BMPR1B: variants seen among roughly 807,000 people sequenced by gnomAD.
The protein encoded by BMPR1B is bone morphogenetic protein receptor type-1B.
In BMPR1B, 12 loss-of-function variants were observed where a neutral mutation model predicts 59.1. The observed-to-expected ratio is 0.20, with a 90% confidence interval of 0.13 to 0.33. The LOEUF (loss-of-function observed/expected upper bound fraction) is 0.33, where lower values mean the gene tolerates loss of function less well. Ranked by LOEUF, BMPR1B falls within the 10% of genes least tolerant of loss-of-function variation. BMPR1B has a pLI of 1.00. For synonymous variants in BMPR1B, 237 were observed against 207.3 expected, an observed-to-expected ratio of 1.14 and a Z score of -1.23; for missense variants, 550 against 610.9, an observed-to-expected ratio of 0.90 and a Z score of 1.05.
chr4:94,808,295 G>T (rs187473142), intron 1 of BMPR1B, among the ~76,000 whole-genome samples: 53 of 152,146 alleles, frequency 3.5e-4, no homozygotes, highest in African/African-American at 1.2e-3. Flanking sequence ...GAAAACAACT[G>T]GTAGTTTTTA....
chr4:94,907,926 T>C (rs1181127026), intron 2 of BMPR1B, among the ~76,000 whole-genome samples: 1 of 151,376 alleles, frequency 6.6e-6, no homozygotes, highest in Non-Finnish European at 1.5e-5. Flanking sequence ...GGCATGCACC[T>C]GTATTCGCAG....
chr4:94,991,723 A>G (rs1241097266), intron 2 of BMPR1B, among the ~76,000 whole-genome samples: 1 of 152,184 alleles, frequency 6.6e-6, no homozygotes, highest in Non-Finnish European at 1.5e-5. Flanking sequence ...AAGTGGGGCT[A>G]GGCTATATGG....
chr4:94,923,457 G>A (rs1728777284), intron 2 of BMPR1B, among the ~76,000 whole-genome samples: 1 of 152,118 alleles, frequency 6.6e-6, no homozygotes, highest in Non-Finnish European at 1.5e-5. Flanking sequence ...TGTTGGTGAG[G>A]TGTATCTGGT....
At chr4:94,784,055 T>C (rs1192154783) in intron 1 of BMPR1B, among the ~76,000 whole-genome samples, 1 of 152,234 alleles carries the variant, frequency 6.6e-6, no homozygotes, top group Non-Finnish European at 1.5e-5. Context: ...CTTCCTTGAA[T>C]TAATGTTTCT....
At chr4:94,862,128 G>C (rs1026701365) in intron 1 of BMPR1B, among the ~76,000 whole-genome samples, 1 of 151,470 alleles carries the variant, frequency 6.6e-6, no homozygotes, top group Admixed American at 6.6e-5. Context: ...CAATGACTTG[G>C]GAGATTCCAA....
chr4:95,063,385 T>A (rs1165564580), intron 3 of BMPR1B, among the ~76,000 whole-genome samples: 1 of 152,188 alleles, frequency 6.6e-6, no homozygotes, highest in African/African-American at 2.4e-5. Flanking sequence ...ACAGTTTTTT[T>A]AGCTATAGTG....
At chr4:95,149,230 G>A (rs1383486623) in intron 11 of BMPR1B, among the ~76,000 whole-genome samples, 1 of 152,024 alleles carries the variant, frequency 6.6e-6, no homozygotes, top group Non-Finnish European at 1.5e-5. Context: ...GCAGTTGCTC[G>A]ATGAAATCAA....
intron 1 of BMPR1B, among the ~76,000 whole-genome samples, chr4:94,806,051 T>C (rs985725613): frequency 4.6e-5 from 7 of 152,160 alleles, no homozygotes; most frequent in Non-Finnish European, 8.8e-5. Flanking sequence ...TGGAATCCAG[T>C]GCAATATCAA....
chr4:95,116,232 A>G (rs1732022339), intron 6 of BMPR1B, among the ~76,000 whole-genome samples: 1 of 152,068 alleles, frequency 6.6e-6, no homozygotes, highest in Admixed American at 6.6e-5. Context: ...AACACCTTTT[A>G]GTCAAATCGT....
chr4:94,987,917 G>A (rs960788375), intron 2 of BMPR1B, among the ~76,000 whole-genome samples: 4 of 152,120 alleles, frequency 2.6e-5, no homozygotes, highest in Admixed American at 6.6e-5. Flanking sequence ...TGTTTAAAAT[G>A]TCAGATAATG....
At chr4:95,133,625 G>A (rs1379289838) in intron 10 of BMPR1B, among the ~76,000 whole-genome samples, 1 of 151,994 alleles carries the variant, frequency 6.6e-6, no homozygotes, top group Non-Finnish European at 1.5e-5. Context: ...AGACTGGAGT[G>A]CAGTGGCACC....
At chr4:94,886,938 A>G (rs1727190639) in intron 2 of BMPR1B, among the ~76,000 whole-genome samples, 1 of 152,172 alleles carries the variant, frequency 6.6e-6, no homozygotes, top group African/African-American at 2.4e-5. Flanking sequence ...GATGGGATGA[A>G]GATTGTGGGA....
chr4:94,857,862 G>T (rs1160953985), intron 1 of BMPR1B, among the ~76,000 whole-genome samples: 1 of 152,204 alleles, frequency 6.6e-6, no homozygotes, highest in Non-Finnish European at 1.5e-5. Context: ...AGAAAACAAT[G>T]TGTTAATGAC....
intron 3 of BMPR1B, among the ~76,000 whole-genome samples, chr4:95,030,372 G>T (rs894744410): frequency 2.2e-4 from 33 of 152,108 alleles, no homozygotes; most frequent in Admixed American, 1.6e-3. Context: ...ATTAAATAGG[G>T]AATCCTTTCC....
intron 2 of BMPR1B, among the ~76,000 whole-genome samples, chr4:94,929,933 G>A (rs972899037): frequency 6.6e-6 from 1 of 151,858 alleles, no homozygotes; most frequent in Admixed American, 6.6e-5. Context: ...TGTTCTCCTT[G>A]TGGCCAAAAG....
intron 1 of BMPR1B, among the ~76,000 whole-genome samples, chr4:94,862,802 G>T (rs994225927): frequency 3.3e-5 from 5 of 152,014 alleles, no homozygotes; most frequent in East Asian, 3.9e-4. Context: ...AAAATTAGCC[G>T]GGCGTGGTTG....
chr4:95,099,005 C>T (rs950359699), intron 3 of BMPR1B, among the ~76,000 whole-genome samples: 6 of 152,144 alleles, frequency 3.9e-5, no homozygotes, highest in South Asian at 2.1e-4. Flanking sequence ...CATTAGCCAC[C>T]GCACCCGGCC....
At chr4:94,787,025 TG>T (rs1312615522) in intron 1 of BMPR1B, among the ~76,000 whole-genome samples, 2 of 152,156 alleles carry the variant, frequency 1.3e-5, no homozygotes, top group Non-Finnish European at 2.9e-5. Flanking sequence ...GGACATTTTT[TG>T]TTTTACCAGG....
intron 1 of BMPR1B, among the ~76,000 whole-genome samples, chr4:94,827,036 A>G (rs1724407073): frequency 6.6e-6 from 1 of 152,190 alleles, no homozygotes; most frequent in South Asian, 2.1e-4. Flanking sequence ...TAAGGAAGTA[A>G]TTTTCCTAAT....
Sources: allele counts gnomAD v4.1 joint callset (sites outside exome capture counted in the v4.1 genomes callset), GRCh38; gene constraint gnomAD v4.1.1; transcripts MANE v1.5; gene names NCBI Gene and HGNC (gene_info 2026-07-23, HGNC 2026-07-21).